The following SHISA9 variants were observed in gnomAD, a reference collection of about 807,000 sequenced individuals.
SHISA9 encodes the protein shisa family member 9.
SHISA9 carries 13 observed loss-of-function variants against 38.0 expected under a neutral mutation model. The observed-to-expected ratio is 0.34, with a 90% CI of 0.22 to 0.54. The LOEUF is 0.54. Among genes scored for constraint, SHISA9 ranks in the 20% least tolerant of loss-of-function variants. SHISA9 has a pLI of 0.91. For missense variants in SHISA9, 538 were observed against 575.8 expected, an observed-to-expected ratio of 0.93 and a Z score of 0.67; for synonymous variants, 275 against 242.0, an observed-to-expected ratio of 1.14 and a Z score of -1.27.
chr16:13,209,492 T>C (rs989257262), intron 3 of SHISA9, among the ~76,000 whole-genome samples: 3 of 152,248 alleles, frequency 2.0e-5, no homozygotes, highest in African/African-American at 4.8e-5. Flanking sequence ...ACAATAAAAG[T>C]TGATGCCCAG....
the SHISA9 span, among the ~76,000 whole-genome samples, chr16:13,334,173 C>T: frequency 3.9e-5 from 6 of 152,178 alleles, no homozygotes; most frequent in Non-Finnish European, 5.9e-5. Context: ...GGCAGACAAT[C>T]ATCACTACTT....
Position 13,234,204 on chromosome 16 carries a change from G to A in SHISA9, c.896-826G>A, listed in dbSNP as rs530456869. ...ATAGTTCCACTCAATGAAATACTAGGTACACATGAAAATCCTGTTTATTAA... is the reference window on the plus strand; with the variant it reads ...ATAGTTCCACTCAATGAAATACTAGATACACATGAAAATCCTGTTTATTAA... On this transcript the variant is annotated intron_variant, in intron 4 of 4. Transcript: ENST00000558583. 1.4e-3 allele frequency among the ~76,000 whole-genome samples: 208 copies of A among 152,014 alleles called. 1 individual carries two copies. The highest frequency in any genetic ancestry group is 2.6e-3 in the Non-Finnish European group (174 of 68,014).
chr16:13,197,842 G>C (rs2050962834), intron 2 of SHISA9, among the ~76,000 whole-genome samples: 2 of 152,180 alleles, frequency 1.3e-5, no homozygotes, highest in Admixed American at 1.3e-4. Context: ...ACTTCTGAGA[G>C]TGAGACATGT....
At chr16:13,334,413 C>T in the SHISA9 span, among the ~76,000 whole-genome samples, 1 of 152,164 alleles carries the variant, frequency 6.6e-6, no homozygotes, top group Non-Finnish European at 1.5e-5. Flanking sequence ...TGTCTCCGAG[C>T]TTTACTCTTC....
At chr16:13,022,807 G>T (rs1203575476) in intron 2 of SHISA9, among the ~76,000 whole-genome samples, 1 of 151,958 alleles carries the variant, frequency 6.6e-6, no homozygotes, top group African/African-American at 2.4e-5. Context: ...TCACTATGCT[G>T]CCCAGGCTAG....
the SHISA9 span, among the ~76,000 whole-genome samples, chr16:13,263,925 G>GA: frequency 4.1e-4 from 62 of 149,746 alleles, no homozygotes; most frequent in African/African-American, 3.7e-4. Flanking sequence ...ATGTAAAATA[G>GA]AAAAAAAAAA....
intron 2 of SHISA9, among the ~76,000 whole-genome samples, chr16:13,190,138 G>A (rs1042058690): frequency 2.7e-5 from 4 of 149,896 alleles, no homozygotes; most frequent in African/African-American, 9.9e-5. Context: ...GTGCAGGTTA[G>A]TTACATATGT....
intron 2 of SHISA9, among the ~76,000 whole-genome samples, chr16:13,133,489 T>C (rs541604139): frequency 3.9e-5 from 6 of 152,212 alleles, no homozygotes; most frequent in Non-Finnish European, 7.3e-5. Flanking sequence ...TACATTTCTA[T>C]AGCTCTGGCC....
intron 2 of SHISA9, among the ~76,000 whole-genome samples, chr16:13,004,583 G>C (rs7186578): frequency 0.36 from 54,680 of 151,854 alleles, 10,447 homozygotes; most frequent in African/African-American, 0.48. Flanking sequence ...ATCTGGGTGA[G>C]ACATAATGAT....
rs558943608 is a variant in SHISA9, at chr16:13,091,230, C to A, written c.692-112164C>A. 1.2e-3 allele frequency among the ~76,000 whole-genome samples: 190 copies of A among 152,304 alleles called. 6 individuals carry two copies. The highest frequency in any genetic ancestry group is 8.3e-3 in the South Asian group (40 of 4,824). On this transcript the variant is annotated intron_variant, in intron 2 of 4. Coordinates refer to ENST00000558583, the MANE Select transcript of SHISA9 (RefSeq NM_001145204.3). ...GACCTTTCTCTCTGGCTGCCCTTAA[C>A]ACTTTTTCCTTCATTTCAACCTTGG...
At chr16:12,956,728 GGA>G (rs1318841537) in intron 2 of SHISA9, among the ~76,000 whole-genome samples, 1 of 152,130 alleles carries the variant, frequency 6.6e-6, no homozygotes, top group East Asian at 1.9e-4. Context: ...CCAAAAGAGG[GGA>G]GAATGGGAGG....
chr16:13,267,847 GA>G, the SHISA9 span, among the ~76,000 whole-genome samples: 16 of 150,784 alleles, frequency 1.1e-4, no homozygotes, highest in Non-Finnish European at 2.1e-4. Context: ...TACATTGCCT[GA>G]GAGGGGGTTC....
At chr16:13,039,033 C>T (rs142369005) in intron 2 of SHISA9, among the ~76,000 whole-genome samples, 14 of 152,230 alleles carry the variant, frequency 9.2e-5, no homozygotes, top group East Asian at 1.9e-4. Context: ...CTCAGCCTCC[C>T]GAGTAGCTAG....
chr16:13,359,495 A>G, the SHISA9 span, among the ~76,000 whole-genome samples: 1 of 152,320 alleles, frequency 6.6e-6, no homozygotes, highest in African/African-American at 2.4e-5. Context: ...AAAAATAAAT[A>G]AATAGCAATA....
At chr16:13,434,836 A>T in the SHISA9 span, among the ~76,000 whole-genome samples, 3 of 152,224 alleles carry the variant, frequency 2.0e-5, no homozygotes, top group Non-Finnish European at 4.4e-5. Context: ...TGGAACTTCA[A>T]TTAAGCAAGT....
At chr16:13,234,879 A>G in intron 4 of SHISA9, 151 bp from the exon 5 acceptor site, 1 of 862,638 alleles carries the variant, frequency 1.2e-6, no homozygotes, top group Non-Finnish European at 1.7e-6. Flanking sequence ...GTCTTGTTCT[A>G]GGTGGAGTTT....
chr16:13,055,932 A>G (rs546490527), intron 2 of SHISA9, among the ~76,000 whole-genome samples: 2 of 152,308 alleles, frequency 1.3e-5, no homozygotes, highest in East Asian at 3.9e-4. Flanking sequence ...CCCACAGGGA[A>G]GTTGCCAGCT....
At chr16:12,946,658 G>A (rs913130171) in intron 2 of SHISA9, among the ~76,000 whole-genome samples, 4 of 152,218 alleles carry the variant, frequency 2.6e-5, no homozygotes, top group Admixed American at 2.0e-4. Context: ...GTCAGTCCCC[G>A]GCTCTGGCTG....
downstream of SHISA9, among the ~76,000 whole-genome samples, chr16:13,245,241 G>A (rs1175828227): frequency 6.6e-6 from 1 of 152,074 alleles, no homozygotes; most frequent in East Asian, 1.9e-4. Context: ...TATAATTGAG[G>A]GACATGCTAA....
Sources: gnomAD v4.1 joint callset for allele counts (sites outside exome capture counted in the v4.1 genomes callset) on GRCh38, gnomAD v4.1.1 for gene constraint, MANE v1.5 for transcripts, NCBI Gene and HGNC (gene_info 2026-07-23, HGNC 2026-07-21) for gene names.